The following LRP8 variants were observed in gnomAD, a reference collection of about 807,000 sequenced individuals.
LRP8 encodes the protein LDL receptor related protein 8.
In LRP8, 46 loss-of-function variants were observed where a neutral mutation model predicts 111.6. The ratio of observed to expected loss-of-function variants is 0.41; its 90% CI spans 0.33 to 0.53. The LOEUF is 0.53. Among genes scored for constraint, LRP8 ranks in the 20% least tolerant of loss-of-function variants. The pLI is 0.20. For missense variants in LRP8, 959 were observed against 1,297.4 expected, an observed-to-expected ratio of 0.74 and a Z score of 4.01; for synonymous variants, 464 against 511.2, an observed-to-expected ratio of 0.91 and a Z score of 1.24.
rs540363005 is a variant in LRP8 at position 53,242,385 on chromosome 1, C to G, written c.*4633G>C. ...AAGATTTTTTTTAAATGAATTTAAT[C>G]TCTCTCTAGAAACAGTGCACTGATT... On this transcript the variant is annotated 3_prime_UTR_variant, in exon 19 of 19. Coordinates refer to ENST00000306052, the MANE Select transcript of LRP8 (RefSeq NM_004631.5). 5.9e-5 allele frequency: 9 copies of G among 152,210 alleles called. 1 individual carries two copies. Among genetic ancestry groups the G allele is most frequent in the African/African-American group, 2.2e-4 (9 of 41,536 alleles). The allele number at this position is 152,210 out of a possible 1,614,324, so 9.4% of individuals were successfully genotyped here. A position where few individuals can be genotyped will look rare whatever the true frequency, so the allele number is the denominator to read the frequency against.
chr1:53,302,856 ATTTTT>A (rs769628078), intron 2 of LRP8, among the ~76,000 whole-genome samples: 1 of 126,606 alleles, frequency 7.9e-6, no homozygotes, highest in Admixed American at 8.5e-5. Flanking sequence ...CACCCAGCTA[ATTTTT>A]TTTTTTTTTT....
intron 3 of LRP8, among the ~76,000 whole-genome samples, chr1:53,288,624 C>CGTTAGATGG (rs1383130299): frequency 2.0e-5 from 3 of 152,030 alleles, no homozygotes; most frequent in Non-Finnish European, 4.4e-5. Flanking sequence ...CCAGCCACGG[C>CGTTAGATGG]GTTAGATGGG....
At chr1:53,323,251 T>C (rs1406809706) in intron 2 of LRP8, among the ~76,000 whole-genome samples, 2 of 152,188 alleles carry the variant, frequency 1.3e-5, no homozygotes, top group African/African-American at 2.4e-5. Context: ...ACGTAACCCG[T>C]CTGTGCCTCG....
At position 53,275,697 on chromosome 1, in the gene LRP8, C is replaced by A. The variant is rs1291006926; in HGVS notation, c.940G>T (p.Ala314Ser). ...FQCGDGTCVL[A>S]IKHCNQEQDC... ...TGCTCCTGGTTGCAGTGCTTGATTG[C>A]AAGGACACATGTCCCATCCCCACAC... The change falls in exon 6 of 19, where the codon GCA becomes TCA. Residue 314 changes from alanine (A) to serine (S), a missense_variant. Ala to Ser is a moderately conservative substitution (Grantham distance 99). Around this residue, in one of 3 missense-constraint regions of LRP8, gnomAD observed 819 missense variants for 1,097.6 expected, o/e 0.75. Coordinates refer to ENST00000306052, the MANE Select transcript of LRP8 (RefSeq NM_004631.5). The surrounding 1 kb of genome is among the most constrained non-coding windows in gnomAD (Gnocchi z 4.4). 3 of 1,614,112 alleles carry A rather than the reference C, an allele frequency of 1.9e-6. No individual in the cohort carries two copies. The highest frequency in any genetic ancestry group is 1.7e-5 in the Admixed American group (1 of 60,022).
intron 16 of LRP8, among the ~76,000 whole-genome samples, chr1:53,253,709 A>G (rs1645974563): frequency 6.6e-6 from 1 of 152,198 alleles, no homozygotes; most frequent in Non-Finnish European, 1.5e-5. Flanking sequence ...TCACCTCACC[A>G]TCATCTTTCC....
intron 2 of LRP8, among the ~76,000 whole-genome samples, chr1:53,318,055 T>C (rs1319111287): frequency 6.6e-6 from 1 of 152,072 alleles, no homozygotes; most frequent in East Asian, 1.9e-4. Flanking sequence ...CTCCAAGTGC[T>C]GGGGGCAGTG....
chr1:53,254,444 C>A (rs1003238064), intron 16 of LRP8, among the ~76,000 whole-genome samples: 1 of 151,970 alleles, frequency 6.6e-6, no homozygotes, highest in African/African-American at 2.4e-5. Context: ...CTCCTCTTCC[C>A]TCTTCCCCCT....
rs74326748 is a variant in LRP8, at chr1:53,275,342, G to C, written c.1006+289C>G. On this transcript the variant is annotated intron_variant, in intron 6 of 18. Coordinates refer to ENST00000306052, the MANE Select transcript of LRP8 (RefSeq NM_004631.5). This position sits in a 1 kb window ranked among gnomAD's most constrained non-coding sequence, Gnocchi z 4.4. ...CTCAGCCTGGGAACTAGTGAGGGAA[G>C]CCACTCACCAGCTGGGACCTGGACA... Among the ~76,000 whole-genome samples, 728 of 152,308 alleles carry C rather than the reference G, an allele frequency of 4.8e-3. 1 individual carries two copies. The highest frequency in any genetic ancestry group is 0.014 in the Middle Eastern group (4 of 294).
chr1:53,308,470 G>A (rs1019563630), intron 2 of LRP8, among the ~76,000 whole-genome samples: 1 of 151,342 alleles, frequency 6.6e-6, no homozygotes, highest in Non-Finnish European at 1.5e-5. Flanking sequence ...CTGGGGCACC[G>A]TCTTTGCTGC....
Position 53,297,194 on chromosome 1 carries a change from C to T in LRP8, c.245-7505G>A, listed in dbSNP as rs370473050. Among the ~76,000 whole-genome samples the T allele has an allele frequency of 7.2e-5, 11 of 152,302 alleles. No individual in the cohort carries two copies. The South Asian group carries it at 1.4e-3, about 20-fold the overall frequency. ...CTGCTTCTGACACTCTAGGGACCTA[C>T]GGTTCTAAGGCTGTAACACTCTGAT... is the stretch of plus-strand genomic sequence containing the variant. On this transcript the variant is annotated intron_variant, in intron 2 of 18. Coordinates refer to ENST00000306052, the MANE Select transcript of LRP8 (RefSeq NM_004631.5).
rs1282589766 is a variant in LRP8 at position 53,326,856 on chromosome 1, C to T, written c.244+17G>A. On this transcript the variant is annotated intron_variant, in intron 2 of 18. Coordinates refer to ENST00000306052, the MANE Select transcript of LRP8 (RefSeq NM_004631.5). ...CTTTTCTCTCCCCGGGTCTGAGCTC[C>T]CTGGCCCGCCACTCACGGCAGTCGT... 1 of 1,610,982 alleles carries T rather than the reference C, an allele frequency of 6.2e-7. No individual in the cohort carries two copies. The highest frequency in any genetic ancestry group is 1.7e-5 in the Admixed American group (1 of 59,832).
intron 2 of LRP8, among the ~76,000 whole-genome samples, chr1:53,300,577 C>T (rs1650624779): frequency 6.6e-6 from 1 of 152,216 alleles, no homozygotes; most frequent in South Asian, 2.1e-4. Flanking sequence ...AGATCTGCGG[C>T]CCCACTGGCC....
chr1:53,247,101 T>TA, intron 18 of LRP8, 45 bp from the exon 19 acceptor site: 11 of 1,489,062 alleles, frequency 7.4e-6, no homozygotes, highest in African/African-American at 1.4e-5. Context: ...CCATAAGAGT[T>TA]ACTATTTATT....
chr1:53,316,938 G>C (rs557406387), intron 2 of LRP8, among the ~76,000 whole-genome samples: 7 of 152,144 alleles, frequency 4.6e-5, no homozygotes, highest in Non-Finnish European at 1.0e-4. Context: ...GTGGGGAGGC[G>C]GGGAGCTCTG....
intron 4 of LRP8, among the ~76,000 whole-genome samples, chr1:53,278,498 C>T (rs1287847459): frequency 6.6e-6 from 1 of 152,258 alleles, no homozygotes; most frequent in African/African-American, 2.4e-5. Flanking sequence ...AGAGTGATGT[C>T]TTCAGTTTCA....
At chr1:53,325,960 G>C (rs61769652) in intron 2 of LRP8, among the ~76,000 whole-genome samples, 1 of 152,150 alleles carries the variant, frequency 6.6e-6, no homozygotes, top group Non-Finnish European at 1.5e-5. Context: ...ACTAGCTCCC[G>C]GTCCCGCAGA....
At position 53,289,527 on chromosome 1, in the gene LRP8, C is replaced by T. The variant is rs369175566; in HGVS notation, c.367+40G>A. ...TCTCAAGGAAGATCTGAGGAGGAAA[C>T]TGAGGCCCACCCCCACCCAGACTGA... On this transcript the variant is annotated intron_variant, in intron 3 of 18. Transcript: ENST00000306052. 6 of 1,563,538 alleles carry T rather than the reference C, an allele frequency of 3.8e-6. No homozygotes were observed. In the African/African-American group the frequency reaches 8.1e-5, roughly 21 times the overall value.
chr1:53,327,868 C>T lies in LRP8; in HGVS notation c.45G>A (p.Leu15=). Reference sequence around the variant, plus strand: ...GCAGCAGCAGCAGCAGCAGCAGCAGCAGCAGCGCCAGAAGCCGGAGAGGGC... The same window carrying T: ...GCAGCAGCAGCAGCAGCAGCAGCAGTAGCAGCGCCAGAAGCCGGAGAGGGC... The part of the protein sequence containing the change: ...EPGPLRLLAL[L]LLLLLLLLLQ... The change falls in exon 1 of 19, where the codon CTG becomes CTA. Residue 15 remains leucine (L), a synonymous_variant. Transcript: ENST00000306052. 1 of 1,506,324 alleles carries T rather than the reference C, an allele frequency of 6.6e-7. No homozygotes were observed. Among genetic ancestry groups the T allele is most frequent in the East Asian group, 2.7e-5 (1 of 37,250 alleles). 93.3% of individuals were successfully genotyped at this position (1,506,324 alleles called of 1,614,324 possible).
chr1:53,323,350 C>T lies in LRP8; in HGVS notation c.244+3523G>A, dbSNP rs143551930. ...GGGCGATGTGTGGACAATCTCAGCA[C>T]GATGCCCGGTCCACAGCAAGTGCCC... On this transcript the variant is annotated intron_variant, in intron 2 of 18. Coordinates refer to ENST00000306052, the MANE Select transcript of LRP8 (RefSeq NM_004631.5). Among the ~76,000 whole-genome samples, 407 of 152,338 alleles carry T rather than the reference C, an allele frequency of 2.7e-3. 4 individuals are homozygous for T. The highest frequency in any genetic ancestry group is 3.6e-3 in the Non-Finnish European group (248 of 68,024).
Sources: allele counts gnomAD v4.1 joint callset (sites outside exome capture counted in the v4.1 genomes callset), GRCh38; gene constraint gnomAD v4.1.1; regional missense constraint gnomAD v4.1.1; non-coding constraint Gnocchi (gnomAD v3.1); transcripts MANE v1.5; gene names NCBI Gene and HGNC (gene_info 2026-07-23, HGNC 2026-07-21).